Variants in PTPA observed in about 807,000 individuals in gnomAD.
The protein encoded by PTPA is protein phosphatase 2 phosphatase activator.
PTPA carries 13 observed loss-of-function variants against 43.6 expected under a neutral mutation model. The ratio of observed to expected loss-of-function variants is 0.30; its 90% CI spans 0.19 to 0.47. PTPA has a LOEUF of 0.47. PTPA is among the 20% of genes least tolerant of loss of function. PTPA has a pLI of 0.99. For missense variants in PTPA, 329 were observed against 411.9 expected (o/e 0.80, Z 1.74); for synonymous variants, 172 against 158.2 (o/e 1.09, Z -0.66).
At chr9:129,145,363 C>A (rs894826398) in intron 9 of PTPA, among the ~76,000 whole-genome samples, 1 of 152,074 alleles carries the variant, frequency 6.6e-6, no homozygotes, top group Non-Finnish European at 1.5e-5. Flanking sequence ...CAAGTCTTTG[C>A]AGTGTTCAAC....
chr9:129,111,990 G>A (rs1036910899), intron 1 of PTPA: 3 of 287,928 alleles, frequency 1.0e-5, no homozygotes, highest in Non-Finnish European at 1.9e-5. Context: ...TGCCAGGGAG[G>A]GGGGCGAAAG....
Position 129,147,452 on chromosome 9 carries a change from CACG to C in PTPA, c.961_963del (p.Thr321del), listed in dbSNP as rs768861920. 1.2e-6 allele frequency: 2 copies of C among 1,613,884 alleles called. No individual in the cohort carries two copies. Among genetic ancestry groups the C allele is most frequent in the Admixed American group, 3.3e-5 (2 of 60,022 alleles). On this transcript the variant is annotated inframe_deletion, in exon 10 of 10. Coordinates refer to ENST00000393370, the MANE Select transcript of PTPA (RefSeq NM_178000.3). ...GGAGCCTGCTGCCCATCCATCCTGT[CACG>C]TCGGGCTAGGAGGGGCCAAGCCGAA... is the stretch of plus-strand genomic sequence containing the variant.
rs938122067 is a variant in PTPA at position 129,148,522 on chromosome 9, TAAGA to T, written c.*1059_*1062del. 1 of 152,544 alleles carries T rather than the reference TAAGA, an allele frequency of 6.6e-6. No homozygotes were observed. Among genetic ancestry groups the T allele is most frequent in the African/African-American group, 2.4e-5 (1 of 41,438 alleles). The allele number at this position is 152,544 out of a possible 1,614,324, so 9.4% of individuals were successfully genotyped here. The stretch of plus-strand genomic sequence containing the variant: ...TGTCCATTGCTTTTATAGGGTGAGG[TAAGA>T]GACAGCCTCCCAAGCCCAGGCTTTG... On this transcript the variant is annotated 3_prime_UTR_variant, in exon 10 of 10. Transcript: ENST00000393370.
chr9:129,117,116 C>T (rs1423509360), intron 1 of PTPA, among the ~76,000 whole-genome samples: 1 of 152,030 alleles, frequency 6.6e-6, no homozygotes, highest in Non-Finnish European at 1.5e-5. Context: ...GGCTGGAGTG[C>T]AGCTCACTTC....
intron 1 of PTPA, among the ~76,000 whole-genome samples, chr9:129,117,115 G>A (rs57196940): frequency 0.019 from 2,938 of 152,150 alleles, 77 homozygotes; most frequent in African/African-American, 0.066. Context: ...AGGCTGGAGT[G>A]CAGCTCACTT....
At chr9:129,130,754 T>G (rs1849905116) in intron 4 of PTPA, among the ~76,000 whole-genome samples, 1 of 152,174 alleles carries the variant, frequency 6.6e-6, no homozygotes, top group African/African-American at 2.4e-5. Flanking sequence ...TTTACATGTT[T>G]TTACTCATGG....
intron 1 of PTPA, among the ~76,000 whole-genome samples, chr9:129,115,525 T>A (rs1848807025): frequency 6.6e-6 from 1 of 152,202 alleles, no homozygotes. Flanking sequence ...CCTGTCCCTT[T>A]TTCTCCATGT....
intron 1 of PTPA, among the ~76,000 whole-genome samples, chr9:129,113,736 C>T (rs1358496604): frequency 6.6e-6 from 1 of 152,100 alleles, no homozygotes; most frequent in Non-Finnish European, 1.5e-5. Flanking sequence ...CTCCACTGCA[C>T]TCCAGCCACT....
chr9:129,129,160 T>C, intron 4 of PTPA, 50 bp downstream of exon 4: 1 of 1,601,582 alleles, frequency 6.2e-7, no homozygotes, highest in African/African-American at 1.3e-5. Flanking sequence ...GTGAGGGTGG[T>C]TCTGGCACCA....
intron 1 of PTPA, among the ~76,000 whole-genome samples, chr9:129,118,107 G>T (rs140097108): frequency 6.7e-6 from 1 of 148,440 alleles, no homozygotes; most frequent in Non-Finnish European, 1.5e-5. Context: ...GAGCTGGAGC[G>T]CAATGGCACG....
At chr9:129,145,245 C>CA in intron 9 of PTPA, among the ~76,000 whole-genome samples, 1 of 151,254 alleles carries the variant, frequency 6.6e-6, no homozygotes, top group Admixed American at 6.6e-5. Context: ...GCAGGACAGT[C>CA]ACTTGAATTT....
intron 1 of PTPA, among the ~76,000 whole-genome samples, chr9:129,114,335 T>C (rs1387947149): frequency 2.0e-5 from 3 of 152,256 alleles, no homozygotes; most frequent in Admixed American, 1.3e-4. Flanking sequence ...AAGTTCTTAA[T>C]GTAATGATGA....
At chr9:129,117,570 A>AT (rs1848961733) in intron 1 of PTPA, among the ~76,000 whole-genome samples, 3 of 147,796 alleles carry the variant, frequency 2.0e-5, no homozygotes, top group Admixed American at 2.0e-4. Flanking sequence ...TGCCTGGCTA[A>AT]TTTTTTGTAT....
Position 129,111,594 on chromosome 9 carries a change from G to A in PTPA, c.-7G>A. The A allele has an allele frequency of 7.8e-7, 1 of 1,286,404 alleles. No individual in the cohort carries two copies. The highest frequency in any genetic ancestry group is 2.8e-5 in the South Asian group (1 of 36,050). The allele number at this position is 1,286,404 out of a possible 1,614,324, so 79.7% of individuals were successfully genotyped here. A position where few individuals can be genotyped will look rare whatever the true frequency, so the allele number is the denominator to read the frequency against. ...AAGCATCCGGGTCGGCTCCTGGCCG[G>A]AGCAAGATGGCTGAGGGCGAGCGGC... is the stretch of plus-strand genomic sequence containing the variant. On this transcript the variant is annotated 5_prime_UTR_variant, in exon 1 of 10. Transcript: ENST00000393370.
rs374889617 is a variant in PTPA at position 129,133,112 on chromosome 9, G to A, written c.460+1473G>A. On this transcript the variant is annotated intron_variant, in intron 5 of 9. Coordinates refer to ENST00000393370, the MANE Select transcript of PTPA (RefSeq NM_178000.3). ...TCTCTCAAAAATAGAGAAGGGAGGCGTTCTCTAGGTCAGGGCCTGGCCTGT... is the reference window on the plus strand; with the variant it reads ...TCTCTCAAAAATAGAGAAGGGAGGCATTCTCTAGGTCAGGGCCTGGCCTGT... Among the ~76,000 whole-genome samples, 8 of 152,346 alleles carry A rather than the reference G, an allele frequency of 5.3e-5. No individual in the cohort carries two copies. In the South Asian group the frequency reaches 1.7e-3, roughly 32 times the overall value.
intron 9 of PTPA, among the ~76,000 whole-genome samples, chr9:129,146,402 A>T (rs902452273): frequency 3.3e-5 from 5 of 152,000 alleles, no homozygotes; most frequent in Non-Finnish European, 7.4e-5. Flanking sequence ...TTTTGAGGAG[A>T]GGGAACCTGG....
At chr9:129,143,973 C>T (rs993775743) in intron 9 of PTPA, among the ~76,000 whole-genome samples, 3 of 151,768 alleles carry the variant, frequency 2.0e-5, no homozygotes, top group African/African-American at 7.3e-5. Context: ...ACCTCCCAAC[C>T]CCAACCCTTG....
At chr9:129,128,963 C>T (rs993572376) in intron 3 of PTPA, 22 bp from the exon 4 acceptor site, 8 of 1,612,516 alleles carry the variant, frequency 5.0e-6, no homozygotes, top group Middle Eastern at 3.8e-4. Context: ...GTAGCTTGGA[C>T]CCCTCTATTT....
In PTPA at chr9:129,131,620, G is replaced by A. The variant is rs746005579; in HGVS notation, c.441G>A (p.Thr147=). 4.3e-6 allele frequency: 7 copies of A among 1,613,972 alleles called. No individual in the cohort carries two copies. In the Admixed American group the frequency reaches 6.7e-5, roughly 15 times the overall value. Residue 147 remains threonine, a synonymous_variant, in exon 5 of 10, where the codon ACG becomes ACA. Coordinates refer to ENST00000393370, the MANE Select transcript of PTPA (RefSeq NM_178000.3). The stretch of plus-strand genomic sequence containing the variant: ...TAAAGGAGTCAGTGGGGAACTCCAC[G>A]CGCATTGACTACGGCACAGGTATCT... ...VYLKESVGNS[T]RIDYGTGHEA...
Sources: allele counts gnomAD v4.1 joint callset (sites outside exome capture counted in the v4.1 genomes callset), GRCh38; gene constraint gnomAD v4.1.1; transcripts MANE v1.5; gene names NCBI Gene and HGNC (gene_info 2026-07-23, HGNC 2026-07-21).